The following WDFY2 variants were observed in gnomAD, a reference collection of about 807,000 sequenced individuals.
WDFY2 encodes the protein WD repeat and FYVE domain containing 2.
WDFY2 carries 36 observed loss-of-function variants against 56.4 expected under a neutral mutation model. The ratio of observed to expected loss-of-function variants is 0.64; its 90% CI spans 0.49 to 0.84. The LOEUF (loss-of-function observed/expected upper bound fraction) is 0.84. WDFY2 is among the 40% of genes least tolerant of loss of function. The pLI is 0.00. For missense variants in WDFY2, 444 were observed against 512.2 expected (o/e 0.87, Z 1.29); for synonymous variants, 176 against 183.7 (o/e 0.96, Z 0.34).
intron 1 of WDFY2, among the ~76,000 whole-genome samples, chr13:51,656,861 T>C (rs1223766584): frequency 6.6e-6 from 1 of 152,024 alleles, no homozygotes; most frequent in Non-Finnish European, 1.5e-5. Flanking sequence ...TCAACCTATT[T>C]GTGTCTTTGG....
chr13:51,592,704 T>A (rs1014961488), intron 1 of WDFY2: 8 of 152,230 alleles, frequency 5.3e-5, no homozygotes, highest in Admixed American at 1.3e-4. Flanking sequence ...ACAGAGCTAT[T>A]TAGAGATTTT....
intron 1 of WDFY2, 25 bp from the exon 2 acceptor site, chr13:51,660,571 A>G: frequency 6.2e-7 from 1 of 1,603,620 alleles, no homozygotes; most frequent in Non-Finnish European, 8.5e-7. Flanking sequence ...ATGTGATTTC[A>G]TGTACATATT....
chr13:51,610,272 C>T (rs1954473773), intron 1 of WDFY2, among the ~76,000 whole-genome samples: 2 of 149,282 alleles, frequency 1.3e-5, no homozygotes, highest in South Asian at 2.1e-4. Flanking sequence ...TAAAAGCCCA[C>T]CATCTATCCC....
chr13:51,667,207 A>G (rs1955719594), intron 2 of WDFY2, among the ~76,000 whole-genome samples: 1 of 152,214 alleles, frequency 6.6e-6, no homozygotes. Flanking sequence ...CGGAGTTATT[A>G]GGAAAAATTG....
At chr13:51,663,619 G>T (rs1050290484) in intron 2 of WDFY2, among the ~76,000 whole-genome samples, 2 of 152,268 alleles carry the variant, frequency 1.3e-5, no homozygotes, top group Non-Finnish European at 2.9e-5. Flanking sequence ...CTTGAGAGAG[G>T]CAGAATCTTA....
At chr13:51,687,376 A>G (rs1956078595) in intron 3 of WDFY2, among the ~76,000 whole-genome samples, 1 of 151,956 alleles carries the variant, frequency 6.6e-6, no homozygotes, top group Non-Finnish European at 1.5e-5. Context: ...GATACATGCT[A>G]TGGGGAGAAA....
intron 3 of WDFY2, among the ~76,000 whole-genome samples, chr13:51,702,536 T>C (rs1952006008): frequency 6.6e-6 from 1 of 152,176 alleles, no homozygotes; most frequent in Non-Finnish European, 1.5e-5. Flanking sequence ...AAAGGAACTT[T>C]ATTGCTTTGT....
intron 1 of WDFY2, among the ~76,000 whole-genome samples, chr13:51,656,288 T>G (rs1480622979): frequency 1.3e-5 from 2 of 152,060 alleles, no homozygotes; most frequent in Non-Finnish European, 2.9e-5. Flanking sequence ...TCTAATTTTC[T>G]TAGTAACTTC....
chr13:51,675,096 T>A (rs1955863914), intron 2 of WDFY2, 74 bp from the exon 3 acceptor site: 2 of 1,371,686 alleles, frequency 1.5e-6, no homozygotes, highest in African/African-American at 2.9e-5. Context: ...CCCACACTTT[T>A]AGCTAGTTAG....
intron 1 of WDFY2, among the ~76,000 whole-genome samples, chr13:51,625,021 G>C (rs1249285911): frequency 2.6e-5 from 4 of 152,212 alleles, no homozygotes; most frequent in Admixed American, 2.6e-4. Context: ...GTTTTGAGCA[G>C]ATCAAGATTG....
chr13:51,741,027 T>TA (rs1314093180), intron 7 of WDFY2, among the ~76,000 whole-genome samples: 5 of 152,218 alleles, frequency 3.3e-5, no homozygotes, highest in Non-Finnish European at 5.9e-5. Context: ...CTGGGAAACT[T>TA]ACGCCTACAG....
Position 51,694,915 on chromosome 13 carries a change from A to G in WDFY2, c.280-8681A>G, listed in dbSNP as rs1193028168. On this transcript the variant is annotated intron_variant, in intron 3 of 11. Coordinates refer to ENST00000298125, the MANE Select transcript of WDFY2 (RefSeq NM_052950.4). ...CTTTTTTCTCTAAACTTCCCTTCTCACTTCATTTCATTCATTTGATCTTCC... is the reference window on the plus strand; with the variant it reads ...CTTTTTTCTCTAAACTTCCCTTCTCGCTTCATTTCATTCATTTGATCTTCC... 1.5e-3 allele frequency among the ~76,000 whole-genome samples: 232 copies of G among 150,646 alleles called. 1 individual carries two copies. The highest frequency in any genetic ancestry group is 4.2e-3 in the African/African-American group (169 of 40,566).
At chr13:51,631,303 A>T (rs1036091672) in intron 1 of WDFY2, among the ~76,000 whole-genome samples, 8 of 151,146 alleles carry the variant, frequency 5.3e-5, no homozygotes, top group Non-Finnish European at 1.2e-4. Flanking sequence ...AGGTGGGAGG[A>T]TCACTTGAGA....
chr13:51,654,090 A>C (rs1438454886), intron 1 of WDFY2, among the ~76,000 whole-genome samples: 2 of 151,806 alleles, frequency 1.3e-5, no homozygotes, highest in Admixed American at 6.6e-5. Flanking sequence ...TACCTACTCA[A>C]CCCTAGGCAA....
intron 1 of WDFY2, chr13:51,587,969 G>A (rs1173766931): frequency 1.3e-5 from 2 of 152,144 alleles, no homozygotes; most frequent in African/African-American, 4.8e-5. Context: ...ACTTTACTCA[G>A]TATTAATGGA....
intron 3 of WDFY2, among the ~76,000 whole-genome samples, chr13:51,703,324 A>G (rs1952021011): frequency 6.6e-6 from 1 of 152,242 alleles, no homozygotes; most frequent in African/African-American, 2.4e-5. Flanking sequence ...TATCTTCAGA[A>G]TCGACCGGTA....
At chr13:51,692,885 C>A (rs1460115371) in intron 3 of WDFY2, among the ~76,000 whole-genome samples, 1 of 152,060 alleles carries the variant, frequency 6.6e-6, no homozygotes, top group Non-Finnish European at 1.5e-5. Context: ...TGTTATTGGT[C>A]TATTCAGAGA....
At chr13:51,654,995 T>G (rs1346769077) in intron 1 of WDFY2, among the ~76,000 whole-genome samples, 2 of 152,158 alleles carry the variant, frequency 1.3e-5, no homozygotes, top group African/African-American at 4.8e-5. Flanking sequence ...GGGCTGTAAT[T>G]TCTTTAGAAA....
intron 4 of WDFY2, among the ~76,000 whole-genome samples, chr13:51,707,045 A>G (rs903045486): frequency 6.6e-6 from 1 of 152,252 alleles, no homozygotes; most frequent in Admixed American, 6.5e-5. Context: ...GAACTTTTAG[A>G]TAGGAAAATA....
Sources: allele counts gnomAD v4.1 joint callset (sites outside exome capture counted in the v4.1 genomes callset), GRCh38; gene constraint gnomAD v4.1.1; transcripts MANE v1.5; gene names NCBI Gene and HGNC (gene_info 2026-07-23, HGNC 2026-07-21).